Variants in NELFA observed in about 807,000 individuals in gnomAD.
NELFA encodes the protein negative elongation factor A.
NELFA carries 35 observed loss-of-function variants against 51.8 expected under a neutral mutation model. The observed-to-expected ratio is 0.68, with a 90% CI of 0.52 to 0.90. NELFA has a LOEUF of 0.90. NELFA is among the 40% of genes least tolerant of loss of function. The pLI, the probability that NELFA is intolerant of heterozygous loss-of-function variation, is 0.00. For synonymous variants in NELFA, 417 were observed against 338.4 expected, an observed-to-expected ratio of 1.23 and a Z score of -2.55; for missense variants, 658 against 746.4, an observed-to-expected ratio of 0.88 and a Z score of 1.38.
intron 1 of NELFA, among the ~76,000 whole-genome samples, chr4:2,004,941 G>A (rs1489353376): frequency 6.6e-6 from 1 of 151,328 alleles, no homozygotes; most frequent in African/African-American, 2.4e-5. Flanking sequence ...TAGTAGCTGG[G>A]ACTACAGGCG....
chr4:1,993,566 G>A (rs1577621392), intron 1 of NELFA, among the ~76,000 whole-genome samples: 1 of 129,006 alleles, frequency 7.8e-6, no homozygotes, highest in East Asian at 2.3e-4. Context: ...CAACAAGAGC[G>A]AAACTCCATC....
chr4:1,990,452 C>T (rs1370323813), intron 2 of NELFA: 1 of 456,724 alleles, frequency 2.2e-6, no homozygotes, highest in Admixed American at 2.3e-5. Context: ...CATGAGAGTT[C>T]ACCGGCCTCA....
intron 1 of NELFA, among the ~76,000 whole-genome samples, chr4:2,000,490 A>G (rs567398781): frequency 2.0e-5 from 3 of 152,324 alleles, no homozygotes; most frequent in East Asian, 1.9e-4. Context: ...CCCCACAGAA[A>G]TACAAACTAC....
chr4:1,985,044 G>A (rs926107858), intron 7 of NELFA, 125 bp from the exon 8 acceptor site: 1 of 681,756 alleles, frequency 1.5e-6, no homozygotes, highest in African/African-American at 1.8e-5. Flanking sequence ...AGGAAGGCGG[G>A]GGCCACTCTC....
Position 1,998,347 on chromosome 4 carries a change from C to T in NELFA, c.211-6632G>A, listed in dbSNP as rs1728486857. On this transcript the variant is annotated intron_variant, in intron 1 of 10. Transcript: ENST00000382882. ...AGAAGATGGGTAATAAAAAAAAAAA[C>T]AATGATGAACTAAAGGAGCATGTTC... Among the ~76,000 whole-genome samples, 3 of 151,090 alleles carry T rather than the reference C, an allele frequency of 2.0e-5. No individual in the cohort carries two copies. The South Asian group carries it at 6.3e-4, about 32-fold the overall frequency.
In NELFA at chr4:1,986,344, G is replaced by C. The variant is rs1383993940; in HGVS notation, c.693C>G (p.Val231=). Residue 231 remains valine, a synonymous_variant, in exon 5 of 11, where the codon GTC becomes GTG. Transcript: ENST00000382882. ...APFRSPTAPS[V]FSPTGNRTPI... ...GGGTCCGGTTCCCTGTGGGGCTGAA[G>C]ACGCTGGGCGCCGTGGGGCTTCTGA... 1 of 1,604,526 alleles carries C rather than the reference G, an allele frequency of 6.2e-7. No homozygotes were observed.
At chr4:1,987,679 C>CA in intron 4 of NELFA, 1 of 538,906 alleles carries the variant, frequency 1.9e-6, no homozygotes, top group Non-Finnish European at 3.3e-6. Flanking sequence ...TCTCCGTGCC[C>CA]AGCACTGTCC....
chr4:1,991,367 T>C (rs113466774), intron 2 of NELFA, among the ~76,000 whole-genome samples, 177 bp downstream of exon 2: 282 of 152,226 alleles, frequency 1.9e-3, no homozygotes, highest in African/African-American at 6.5e-3. Context: ...TTTTCAAAGA[T>C]GGCAAAAGCC....
At chr4:2,003,027 A>G (rs1337295711) in intron 1 of NELFA, among the ~76,000 whole-genome samples, 3 of 152,218 alleles carry the variant, frequency 2.0e-5, no homozygotes, top group African/African-American at 7.2e-5. Flanking sequence ...GAACTTAAAC[A>G]TATTTGTAAG....
rs36104463 is a variant in NELFA, at chr4:1,995,877, ATT to A, written c.211-4164_211-4163del. Among the ~76,000 whole-genome samples, 319 of 144,278 alleles carry A rather than the reference ATT, an allele frequency of 2.2e-3. 2 individuals are homozygous for A. The highest frequency in any genetic ancestry group is 6.0e-3 in the African/African-American group (235 of 39,244). The allele number at this position is 144,278 out of a possible 152,430, so 94.7% of individuals were successfully genotyped here. On this transcript the variant is annotated intron_variant, in intron 1 of 10. Transcript: ENST00000382882. ...AGATCAACAAATCCTCTTCTCACTG[ATT>A]TTTTTTTTTTTTTTTAAACCAAGCT...
At chr4:1,985,652 T>C in intron 7 of NELFA, 124 bp downstream of exon 7, 1 of 715,148 alleles carries the variant, frequency 1.4e-6, no homozygotes, top group Non-Finnish European at 2.3e-6. Context: ...TATACATAAA[T>C]ACAGACTGCA....
At chr4:2,007,896 A>G (rs1410850385) in intron 1 of NELFA, 4 of 450,916 alleles carry the variant, frequency 8.9e-6, no homozygotes, top group Non-Finnish European at 1.8e-5. Flanking sequence ...AATAGTCTGC[A>G]AAACTACTCG....
chr4:2,004,906 C>T (rs1353247957), intron 1 of NELFA, among the ~76,000 whole-genome samples: 2 of 150,334 alleles, frequency 1.3e-5, no homozygotes, highest in African/African-American at 2.5e-5. Context: ...CCTGGGTTCA[C>T]GGCATTCTTC....
chr4:1,983,945 G>A lies in NELFA; in HGVS notation c.1205C>T (p.Ala402Val), dbSNP rs757385364. The A allele has an allele frequency of 1.2e-6, 2 of 1,611,534 alleles. No individual in the cohort carries two copies. Among genetic ancestry groups the A allele is most frequent in the South Asian group, 1.1e-5 (1 of 90,862 alleles). Residue 402 changes from alanine (A) to valine (V), a missense_variant, in exon 9 of 11, where the codon GCT becomes GTT. Coordinates refer to ENST00000382882, the MANE Select transcript of NELFA (RefSeq NM_005663.5). ...TSPLTPTTPP[A>V]VAPTTQTPPV... ...GGGTGTCTGAGTGGTAGGGGCGACA[G>A]CCGGAGGTGTGGTGGGTGTCAGAGG...
rs144019867 is a variant in NELFA at position 1,998,870 on chromosome 4, G to A, written c.211-7155C>T. On this transcript the variant is annotated intron_variant, in intron 1 of 10. Coordinates refer to ENST00000382882, the MANE Select transcript of NELFA (RefSeq NM_005663.5). ...TCAAATTCTCCAAGGTCGAAATGAAGGAAAAACTGTTCAGAGCAGCCAGAG... is the reference window on the plus strand; with the variant it reads ...TCAAATTCTCCAAGGTCGAAATGAAAGAAAAACTGTTCAGAGCAGCCAGAG... Among the ~76,000 whole-genome samples, 158 of 152,244 alleles carry A rather than the reference G, an allele frequency of 1.0e-3. 1 individual carries two copies. The highest frequency in any genetic ancestry group is 2.7e-3 in the Admixed American group (42 of 15,282).
At chr4:1,998,507 G>A (rs1001881581) in intron 1 of NELFA, among the ~76,000 whole-genome samples, 19 of 152,040 alleles carry the variant, frequency 1.2e-4, no homozygotes, top group East Asian at 3.9e-4. Context: ...TGAGTCATCC[G>A]CAAGTATTAA....
chr4:1,996,468 A>G (rs1728426579), intron 1 of NELFA, among the ~76,000 whole-genome samples: 1 of 152,230 alleles, frequency 6.6e-6, no homozygotes, highest in Non-Finnish European at 1.5e-5. Context: ...AAGAGCAACA[A>G]AGTAAGTACA....
At chr4:1,990,396 C>G in intron 2 of NELFA, 1 of 456,760 alleles carries the variant, frequency 2.2e-6, no homozygotes, top group East Asian at 6.9e-5. Context: ...GACCTCCCAC[C>G]TGAACTGGCT....
chr4:1,984,753 G>T, intron 8 of NELFA, 55 bp downstream of exon 8: 1 of 1,347,908 alleles, frequency 7.4e-7, no homozygotes, highest in Non-Finnish European at 1.0e-6. Flanking sequence ...CCGTGGGCAA[G>T]GTCATGTCCT....
Sources: allele counts gnomAD v4.1 joint callset (sites outside exome capture counted in the v4.1 genomes callset), GRCh38; gene constraint gnomAD v4.1.1; transcripts MANE v1.5; gene names NCBI Gene and HGNC (gene_info 2026-07-23, HGNC 2026-07-21).